IGF1R: variants seen among roughly 807,000 people sequenced by gnomAD.
The protein encoded by IGF1R is insulin-like growth factor 1 receptor.
A neutral mutation model predicts 144.6 loss-of-function variants in IGF1R; 44 were observed. The ratio of observed to expected loss-of-function variants is 0.30; its 90% confidence interval spans 0.24 to 0.39. The LOEUF is 0.39. Ranked by LOEUF, IGF1R falls within the 10% of genes least tolerant of loss-of-function variation. The pLI is 1.00. For missense variants in IGF1R, 1,355 were observed against 1,833.7 expected (o/e 0.74, Z 4.77); for synonymous variants, 795 against 722.8 (o/e 1.10, Z -1.60).
At chr15:98,820,230 C>T (rs2056776560) in intron 2 of IGF1R, among the ~76,000 whole-genome samples, 1 of 151,542 alleles carries the variant, frequency 6.6e-6, no homozygotes, top group Non-Finnish European at 1.5e-5. Flanking sequence ...TAATTCTAGC[C>T]TTTTTCTCTG....
At chr15:98,741,981 A>T (rs2054756598) in intron 2 of IGF1R, among the ~76,000 whole-genome samples, 1 of 152,198 alleles carries the variant, frequency 6.6e-6, no homozygotes, top group South Asian at 2.1e-4. Context: ...TGAGGTGCCT[A>T]GTTTGTGGTA....
chr15:98,918,595 G>A (rs2015350434), intron 10 of IGF1R, among the ~76,000 whole-genome samples: 1 of 152,050 alleles, frequency 6.6e-6, no homozygotes, highest in Non-Finnish European at 1.5e-5. Context: ...CAAACCACCA[G>A]AGCAGCCAGG....
At chr15:98,921,928 G>A (rs2015505109) in intron 10 of IGF1R, among the ~76,000 whole-genome samples, 1 of 151,984 alleles carries the variant, frequency 6.6e-6, no homozygotes, top group South Asian at 2.1e-4. Flanking sequence ...GAGCCGGGGG[G>A]TGGGGGTGAG....
At chr15:98,818,814 G>A (rs1433237165) in intron 2 of IGF1R, among the ~76,000 whole-genome samples, 3 of 151,798 alleles carry the variant, frequency 2.0e-5, no homozygotes, top group Non-Finnish European at 2.9e-5. Context: ...GGATTAGGGG[G>A]TGGGGAGACC....
intron 1 of IGF1R, chr15:98,651,159 G>A: frequency 1.4e-6 from 1 of 718,740 alleles, no homozygotes; most frequent in Non-Finnish European, 1.7e-6. Context: ...TCACGAGTGA[G>A]GCGGGGAAGG....
At chr15:98,661,955 C>CTTTTTTTTTTTTTTTTTTT (rs1567062333) in intron 1 of IGF1R, among the ~76,000 whole-genome samples, 1 of 108,206 alleles carries the variant, frequency 9.2e-6, no homozygotes, top group African/African-American at 4.2e-5. Context: ...TGAATAGGGC[C>CTTTTTTTTTTTTTTTTTTT]CTTTTTTTTT....
Position 98,957,263 on chromosome 15 carries a change from GCCTCCTCGT to G in IGF1R, c.3931_3939del (p.Ser1311_Ser1313del). The G allele has an allele frequency of 6.2e-7, 1 of 1,614,046 alleles. No homozygotes were observed. The highest frequency in any genetic ancestry group is 8.5e-7 in the Non-Finnish European group (1 of 1,180,002). ...GGAGAGCGTCCCCCTGGACCCCTCG[GCCTCCTCGT>G]CCTCCCTGCCACTGCCCGACAGACA... is the stretch of plus-strand genomic sequence containing the variant. On this transcript the variant is annotated inframe_deletion, in exon 21 of 21. Coordinates refer to ENST00000650285, the MANE Select transcript of IGF1R (RefSeq NM_000875.5).
At chr15:98,899,104 A>G (rs1014088489) in intron 4 of IGF1R, among the ~76,000 whole-genome samples, 4 of 152,270 alleles carry the variant, frequency 2.6e-5, no homozygotes, top group Non-Finnish European at 4.4e-5. Flanking sequence ...TGATTTAGTC[A>G]TGCCCTTGTA....
intron 2 of IGF1R, among the ~76,000 whole-genome samples, chr15:98,726,363 C>G (rs1418714189): frequency 6.6e-6 from 1 of 152,190 alleles, no homozygotes; most frequent in African/African-American, 2.4e-5. Flanking sequence ...AGTGGCTTGT[C>G]TTGCTCTGAA....
At chr15:98,881,523 A>T (rs148724836) in intron 2 of IGF1R, among the ~76,000 whole-genome samples, 4,465 of 152,264 alleles carry the variant, frequency 0.029, 102 homozygotes, top group Admixed American at 0.064. Flanking sequence ...GGCTTTCACC[A>T]TGTTGACCAG....
intron 5 of IGF1R, among the ~76,000 whole-genome samples, chr15:98,899,942 T>C (rs1034286381): frequency 2.0e-4 from 31 of 152,120 alleles, no homozygotes; most frequent in African/African-American, 7.2e-4. Context: ...ATGACAGCAG[T>C]TGGTCTGGAG....
chr15:98,750,285 T>C (rs1476929355), intron 2 of IGF1R, among the ~76,000 whole-genome samples: 3 of 152,180 alleles, frequency 2.0e-5, no homozygotes, highest in Non-Finnish European at 1.5e-5. Flanking sequence ...CGCTTCTCCC[T>C]GTTTCCCTGT....
At chr15:98,869,146 C>A (rs553968102) in intron 2 of IGF1R, among the ~76,000 whole-genome samples, 2 of 152,228 alleles carry the variant, frequency 1.3e-5, no homozygotes, top group East Asian at 1.9e-4. Context: ...TTATTCTTGT[C>A]ATCGTCTATT....
intron 2 of IGF1R, among the ~76,000 whole-genome samples, chr15:98,839,942 T>C (rs2011145793): frequency 6.6e-6 from 1 of 152,240 alleles, no homozygotes. Flanking sequence ...TCCATAATAT[T>C]AAGAAAACTT....
At chr15:98,711,170 G>GC (rs1184746354) in intron 2 of IGF1R, among the ~76,000 whole-genome samples, 1 of 152,162 alleles carries the variant, frequency 6.6e-6, no homozygotes, top group Non-Finnish European at 1.5e-5. Flanking sequence ...CATTTGGGGA[G>GC]CTCCATGAAG....
At position 98,648,959 on chromosome 15, in the gene IGF1R, T is replaced by A. The variant is rs1230785400; in HGVS notation, c.-623T>A. On this transcript the variant is annotated 5_prime_UTR_variant, in exon 1 of 21. Coordinates refer to ENST00000650285, the MANE Select transcript of IGF1R (RefSeq NM_000875.5). ...CGCGGCCGGCCCGCCGCTTTGTGTG[T>A]GTCCTGGATTTGGGAAGGAGCTCGC... The A allele has an allele frequency of 5.1e-6, 1 of 195,754 alleles. No individual in the cohort carries two copies. The highest frequency in any genetic ancestry group is 1.0e-5 in the Non-Finnish European group (1 of 95,596). The allele number at this position is 195,754 out of a possible 1,614,324, so 12.1% of individuals were successfully genotyped here. A position where few individuals can be genotyped will look rare whatever the true frequency, so the allele number is the denominator to read the frequency against.
At chr15:98,838,145 T>C (rs186043441) in intron 2 of IGF1R, among the ~76,000 whole-genome samples, 1 of 152,352 alleles carries the variant, frequency 6.6e-6, no homozygotes, top group African/African-American at 2.4e-5. Context: ...TTTTCTAATT[T>C]CAGCTTTTTT....
intron 2 of IGF1R, among the ~76,000 whole-genome samples, chr15:98,834,279 C>G (rs563640471): frequency 6.6e-5 from 10 of 152,298 alleles, no homozygotes; most frequent in Admixed American, 5.2e-4. Context: ...GGAGCCTCAG[C>G]AAGTGTTTAT....
intron 2 of IGF1R, among the ~76,000 whole-genome samples, chr15:98,884,701 A>G (rs1001692283): frequency 1.3e-4 from 20 of 151,394 alleles, no homozygotes; most frequent in East Asian, 7.8e-4. Flanking sequence ...AAAAAAAAAA[A>G]AAAGAAATTC....
Sources: allele counts gnomAD v4.1 joint callset (sites outside exome capture counted in the v4.1 genomes callset), GRCh38; gene constraint gnomAD v4.1.1; transcripts MANE v1.5; gene names NCBI Gene and HGNC (gene_info 2026-07-23, HGNC 2026-07-21).